DIPK1A: variants seen among roughly 807,000 people sequenced by gnomAD.
DIPK1A encodes divergent protein kinase domain 1A.
A neutral mutation model predicts 40.8 loss-of-function variants in DIPK1A; 27 were observed. The observed-to-expected ratio is 0.66, with a 90% CI of 0.49 to 0.91. DIPK1A has a LOEUF of 0.91. DIPK1A is among the 40% of genes least tolerant of loss of function. The pLI is 0.00. For synonymous variants in DIPK1A, 166 were observed against 171.3 expected, an observed-to-expected ratio of 0.97 and a Z score of 0.24; for missense variants, 412 against 505.7, an observed-to-expected ratio of 0.81 and a Z score of 1.78.
At chr1:92,891,880 G>A (rs960026582) in intron 1 of DIPK1A, among the ~76,000 whole-genome samples, 19 of 152,184 alleles carry the variant, frequency 1.2e-4, no homozygotes, top group Admixed American at 2.6e-4. Context: ...TGGCTTGGAG[G>A]GTCCTACGCC....
intron 1 of DIPK1A, among the ~76,000 whole-genome samples, chr1:92,959,827 A>G (rs371543760): frequency 4.2e-4 from 62 of 148,264 alleles, no homozygotes; most frequent in Middle Eastern, 3.6e-3. Flanking sequence ...AGCTCACTGC[A>G]ATCTCCGCTC....
intron 3 of DIPK1A, among the ~76,000 whole-genome samples, chr1:92,850,283 T>C (rs1367428761): frequency 6.6e-6 from 1 of 152,184 alleles, no homozygotes; most frequent in African/African-American, 2.4e-5. Flanking sequence ...TTAATCACCA[T>C]TGTATTCCTG....
chr1:92,927,422 G>C (rs1039258200), intron 1 of DIPK1A, among the ~76,000 whole-genome samples: 15 of 141,562 alleles, frequency 1.1e-4, no homozygotes, highest in Non-Finnish European at 2.2e-4. Context: ...GCCCAGGCTG[G>C]TCTCAAACTC....
chr1:92,931,401 AT>A, intron 1 of DIPK1A: 2 of 236,304 alleles, frequency 8.5e-6, no homozygotes, highest in South Asian at 6.8e-5. Context: ...TGATGGAAAC[AT>A]TTTTTAAAAC....
intron 4 of DIPK1A, chr1:92,845,529 A>AAC: frequency 3.5e-6 from 1 of 289,196 alleles, no homozygotes; most frequent in South Asian, 2.3e-5. Context: ...AAAAAAAAAA[A>AAC]CCGTCTCTGC....
downstream of DIPK1A, chr1:92,840,614 C>G (rs772751064): frequency 6.2e-7 from 1 of 1,610,738 alleles, no homozygotes; most frequent in Non-Finnish European, 8.5e-7. Context: ...TGAAAAGAAG[C>G]CCAAGAAAGA....
chr1:92,927,946 G>T (rs1276514071), intron 1 of DIPK1A, among the ~76,000 whole-genome samples: 1 of 152,132 alleles, frequency 6.6e-6, no homozygotes, highest in East Asian at 1.9e-4. Flanking sequence ...CTGTGGATGT[G>T]GGTTTTCATT....
In DIPK1A at chr1:92,876,409, T is replaced by A; in HGVS notation, c.76A>T (p.Met26Leu). The A allele has an allele frequency of 1.2e-6, 2 of 1,613,390 alleles. No homozygotes were observed. Among genetic ancestry groups the A allele is most frequent in the Non-Finnish European group, 1.7e-6 (2 of 1,179,606 alleles). Residue 26 changes from methionine (M) to leucine (L), a missense_variant, in exon 2 of 5, where the codon ATG becomes TTG. Met to Leu is a conservative substitution (Grantham distance 15). Coordinates refer to ENST00000370310, the MANE Select transcript of DIPK1A (RefSeq NM_001006605.5). ...AACCAGGAAAAGAAAAGATATTTCA[T>A]CCGCACATATGAGAAGCGAGCCTGT... Reference protein sequence around the residue: ...YLQARFSYVRMKYLFFSWLVV... With the variant: ...YLQARFSYVRLKYLFFSWLVV...
chr1:92,896,131 C>T (rs972559044), intron 1 of DIPK1A, among the ~76,000 whole-genome samples: 28 of 152,144 alleles, frequency 1.8e-4, no homozygotes, highest in Non-Finnish European at 3.5e-4. Flanking sequence ...CAATGACTTT[C>T]TTCACAGAAT....
downstream of DIPK1A, chr1:92,837,220 C>T (rs1002526880): frequency 3.2e-5 from 22 of 690,752 alleles, no homozygotes; most frequent in Middle Eastern, 7.4e-4. Context: ...GGTGGAAAGC[C>T]TTGGTAATGG....
chr1:92,838,050 G>A (rs902688887), downstream of DIPK1A, among the ~76,000 whole-genome samples: 2 of 152,206 alleles, frequency 1.3e-5, no homozygotes, highest in Non-Finnish European at 2.9e-5. Flanking sequence ...TGATGTTGTA[G>A]AAATGAGGGG....
At chr1:92,844,230 G>A (rs1213440061) in intron 4 of DIPK1A, 35 bp from the exon 5 acceptor site, 1 of 1,293,956 alleles carries the variant, frequency 7.7e-7, no homozygotes, top group Admixed American at 2.2e-5. Context: ...CAGAAGGAAT[G>A]AAAAATACCT....
chr1:92,907,799 A>C (rs1430623512), intron 1 of DIPK1A, among the ~76,000 whole-genome samples: 4 of 151,986 alleles, frequency 2.6e-5, no homozygotes, highest in Non-Finnish European at 5.9e-5. Flanking sequence ...GTCAAAGCTG[A>C]ACAAACTGTA....
At chr1:92,899,922 CTAT>C (rs1649337816) in intron 1 of DIPK1A, among the ~76,000 whole-genome samples, 2 of 151,916 alleles carry the variant, frequency 1.3e-5, no homozygotes, top group Non-Finnish European at 2.9e-5. Flanking sequence ...TCCTGGCTGG[CTAT>C]TTTTTTTTTC....
At chr1:92,868,965 TAAA>T (rs33962424) in intron 2 of DIPK1A, among the ~76,000 whole-genome samples, 5 of 136,676 alleles carry the variant, frequency 3.7e-5, no homozygotes, top group African/African-American at 1.4e-4. Flanking sequence ...GACTCAATCT[TAAA>T]AAAAAAAAAA....
chr1:92,867,464 C>T (rs1418251752), intron 2 of DIPK1A, among the ~76,000 whole-genome samples: 1 of 152,112 alleles, frequency 6.6e-6, no homozygotes, highest in Non-Finnish European at 1.5e-5. Context: ...AGCTATGGAA[C>T]ACAAGATAGA....
intron 1 of DIPK1A, among the ~76,000 whole-genome samples, chr1:92,916,389 C>A (rs768555734): frequency 6.6e-6 from 1 of 151,376 alleles, no homozygotes; most frequent in Non-Finnish European, 1.5e-5. Context: ...GCAACTTCCA[C>A]CTCCCAGGTT....
At chr1:92,837,703 G>C, downstream of DIPK1A, 1 of 1,305,930 alleles carries the variant, frequency 7.7e-7, no homozygotes, top group Non-Finnish European at 1.1e-6. Context: ...TGTTTTGGGG[G>C]CAGGTAACAT....
intron 2 of DIPK1A, among the ~76,000 whole-genome samples, chr1:92,875,232 A>G (rs1648063341): frequency 6.6e-6 from 1 of 151,976 alleles, no homozygotes; most frequent in South Asian, 2.1e-4. Flanking sequence ...TTCTTTCCTG[A>G]TCCACTGTAA....
Sources: gnomAD v4.1 joint callset for allele counts (sites outside exome capture counted in the v4.1 genomes callset) on GRCh38, gnomAD v4.1.1 for gene constraint, MANE v1.5 for transcripts, NCBI Gene and HGNC (gene_info 2026-07-23, HGNC 2026-07-21) for gene names.